Variants in NIPSNAP2 observed in about 807,000 individuals in gnomAD.
NIPSNAP2 encodes the protein nipsnap homolog 2, also known as protein NipSnap homolog 2.
NIPSNAP2 carries 42 observed loss-of-function variants against 48.4 expected under a neutral mutation model. The observed-to-expected ratio is 0.87, with a 90% CI of 0.68 to 1.12. The LOEUF (loss-of-function observed/expected upper bound fraction) is 1.12. Among genes scored for constraint, NIPSNAP2 ranks in the 50% most tolerant of loss-of-function variants. The pLI is 0.00. For synonymous variants in NIPSNAP2, 158 were observed against 126.6 expected, an observed-to-expected ratio of 1.25 and a Z score of -1.67; for missense variants, 314 against 347.3, an observed-to-expected ratio of 0.90 and a Z score of 0.76.
chr7:55,985,034 A>G (rs1391169796), intron 7 of NIPSNAP2, among the ~76,000 whole-genome samples, 156 bp downstream of exon 7: 1 of 152,198 alleles, frequency 6.6e-6, no homozygotes, highest in Non-Finnish European at 1.5e-5. Flanking sequence ...TTTTTCAAAC[A>G]TACAAAACTA....
At chr7:55,969,033 C>A in intron 1 of NIPSNAP2, among the ~76,000 whole-genome samples, 1 of 149,322 alleles carries the variant, frequency 6.7e-6, no homozygotes, top group Admixed American at 6.8e-5. Flanking sequence ...CATGAGAGAA[C>A]AAGGCCCTGT....
chr7:55,994,903 A>C lies in NIPSNAP2; in HGVS notation c.627A>C (p.Ala209=), dbSNP rs772795915. The change falls in exon 8 of 10, where the codon GCA becomes GCC. Residue 209 remains alanine (A), a synonymous_variant. Transcript: ENST00000322090. ...MIEWGNYWAR[A]IRFRQDGNEA... ...CATCTCATTCTTACAGGGCTCGTGC[A>C]ATCCGCTTCAGACAGGATGGTAACG... is the stretch of plus-strand genomic sequence containing the variant. 1.2e-6 allele frequency: 2 copies of C among 1,614,006 alleles called. No individual in the cohort carries two copies. Among genetic ancestry groups the C allele is most frequent in the Admixed American group, 3.3e-5 (2 of 59,992 alleles).
In NIPSNAP2 at chr7:55,966,881, C is replaced by T. The variant is rs115582330; in HGVS notation, c.92+2180C>T. ...GCAAAGCAAGTCCTGGGATGTGCAGCGTATATAGGCTGAATGTAGGAGGGG... is the reference window on the plus strand; with the variant it reads ...GCAAAGCAAGTCCTGGGATGTGCAGTGTATATAGGCTGAATGTAGGAGGGG... On this transcript the variant is annotated intron_variant, in intron 1 of 9. Coordinates refer to ENST00000322090, the MANE Select transcript of NIPSNAP2 (RefSeq NM_001483.3). 9.0e-3 allele frequency among the ~76,000 whole-genome samples: 1,376 copies of T among 152,204 alleles called. 21 individuals carry two copies. The highest frequency in any genetic ancestry group is 0.032 in the African/African-American group (1,314 of 41,524).
rs767426105 is a variant in NIPSNAP2, at chr7:55,978,233, A to T, written c.200A>T (p.Lys67Ile). Residue 67 changes from lysine (K) to isoleucine (I), a missense_variant, in exon 2 of 10, where the codon AAA becomes ATA. By Grantham distance (102) the Lys-to-Ile change is moderately radical (BLOSUM62 -3). Transcript: ENST00000322090. ...RKDAHSNLLA[K>I]KETSNLYKLQ... Reference sequence around the variant, plus strand: ...GATGCCCACTCCAATCTCCTAGCCAAAAAGGAAACAAGCAATCTATACAAA... The same window carrying T: ...GATGCCCACTCCAATCTCCTAGCCATAAAGGAAACAAGCAATCTATACAAA... The T allele has an allele frequency of 6.2e-7, 1 of 1,614,182 alleles. No homozygotes were observed. Among genetic ancestry groups the T allele is most frequent in the East Asian group, 2.2e-5 (1 of 44,882 alleles).
intron 9 of NIPSNAP2, 52 bp downstream of exon 9, chr7:55,997,501 T>C: frequency 7.2e-7 from 1 of 1,391,396 alleles, no homozygotes; most frequent in Non-Finnish European, 1.0e-6. Context: ...GTTTCAATCA[T>C]GTTCTTTCAC....
chr7:55,979,421 A>G (rs917001316), intron 3 of NIPSNAP2: 2 of 189,370 alleles, frequency 1.1e-5, no homozygotes, highest in African/African-American at 4.7e-5. Flanking sequence ...CACACCCAGC[A>G]TGTAGAATCA....
chr7:55,967,501 C>T (rs543826228), intron 1 of NIPSNAP2, among the ~76,000 whole-genome samples: 3 of 152,164 alleles, frequency 2.0e-5, no homozygotes, highest in African/African-American at 4.8e-5. Flanking sequence ...TAGTCTTGCC[C>T]TGTTGCCCAG....
chr7:55,982,929 C>G (rs191042489), intron 5 of NIPSNAP2, among the ~76,000 whole-genome samples: 1 of 151,942 alleles, frequency 6.6e-6, no homozygotes, highest in Non-Finnish European at 1.5e-5. Flanking sequence ...TTGAGACCAG[C>G]GTGGCCAACA....
chr7:55,981,416 C>A (rs1450792691), intron 3 of NIPSNAP2, 57 bp from the exon 4 acceptor site: 4 of 1,235,122 alleles, frequency 3.2e-6, no homozygotes, highest in Non-Finnish European at 4.8e-6. Context: ...CAGGTGCTGT[C>A]CACCTGGTCA....
intron 1 of NIPSNAP2, among the ~76,000 whole-genome samples, chr7:55,976,923 A>G (rs1446375299): frequency 1.3e-5 from 2 of 152,038 alleles, no homozygotes; most frequent in African/African-American, 4.8e-5. Context: ...TCCATGAGTA[A>G]AGTATAGTTT....
In NIPSNAP2 at chr7:55,992,246, A is replaced by G. The variant is rs374960703; in HGVS notation, c.618-2648A>G. On this transcript the variant is annotated intron_variant, in intron 7 of 9. Coordinates refer to ENST00000322090, the MANE Select transcript of NIPSNAP2 (RefSeq NM_001483.3). ...AGAGGTGTAGAGTGATTTTAAGGAGACTGGATTGCTTGAGCCCAGGAGTTC... is the reference window on the plus strand; with the variant it reads ...AGAGGTGTAGAGTGATTTTAAGGAGGCTGGATTGCTTGAGCCCAGGAGTTC... 1.8e-4 allele frequency among the ~76,000 whole-genome samples: 27 copies of G among 152,030 alleles called. No individual in the cohort carries two copies. In the East Asian group the frequency reaches 4.3e-3, roughly 24 times the overall value.
chr7:55,982,108 C>T (rs1787228101), intron 4 of NIPSNAP2, 102 bp from the exon 5 acceptor site: 3 of 674,094 alleles, frequency 4.5e-6, no homozygotes, highest in Non-Finnish European at 7.8e-6. Context: ...CACACCCAGC[C>T]TACAGTTTTG....
intron 1 of NIPSNAP2, among the ~76,000 whole-genome samples, chr7:55,975,899 A>G (rs1177870170): frequency 6.6e-6 from 1 of 152,096 alleles, no homozygotes; most frequent in Admixed American, 6.5e-5. Flanking sequence ...TTAGCCGTGC[A>G]CGGTGGCACA....
intron 3 of NIPSNAP2, chr7:55,980,274 T>C (rs759203425): frequency 3.0e-5 from 5 of 166,444 alleles, no homozygotes; most frequent in Non-Finnish European, 5.3e-5. Flanking sequence ...GTCACTATAC[T>C]GGGTCATAAA....
At chr7:55,997,497 A>G (rs779947090) in intron 9 of NIPSNAP2, 48 bp downstream of exon 9, 8 of 1,418,880 alleles carry the variant, frequency 5.6e-6, no homozygotes, top group South Asian at 4.6e-5. Context: ...TACTGTTTCA[A>G]TCATGTTCTT....
At position 55,970,031 on chromosome 7, in the gene NIPSNAP2, C is replaced by T. The variant is rs539405455; in HGVS notation, c.92+5330C>T. 2.0e-5 allele frequency among the ~76,000 whole-genome samples: 3 copies of T among 151,986 alleles called. No individual in the cohort carries two copies. The South Asian group carries it at 6.2e-4, about 32-fold the overall frequency. On this transcript the variant is annotated intron_variant, in intron 1 of 9. Transcript: ENST00000322090. ...CATATGAATGAAGCACGGTGTGCTCCTGCTGCCTCATCCTGTGGTCTCAGC... is the reference window on the plus strand; with the variant it reads ...CATATGAATGAAGCACGGTGTGCTCTTGCTGCCTCATCCTGTGGTCTCAGC...
chr7:55,991,763 A>ATAT (rs1312676530), intron 7 of NIPSNAP2: 14,398 of 155,092 alleles, frequency 0.093, 784 homozygotes, highest in Admixed American at 0.14. Flanking sequence ...AAAAAAAAAA[A>ATAT]AAATATATAT....
intron 7 of NIPSNAP2, 45 bp from the exon 8 acceptor site, chr7:55,994,849 G>C (rs751310476): frequency 1.3e-6 from 2 of 1,496,358 alleles, no homozygotes; most frequent in East Asian, 4.5e-5. Context: ...TCTCGTTAGC[G>C]TATCTAATTC....
intron 1 of NIPSNAP2, among the ~76,000 whole-genome samples, chr7:55,967,124 C>T (rs548491419): frequency 1.1e-4 from 17 of 152,250 alleles, no homozygotes; most frequent in Admixed American, 2.0e-4. Context: ...AATTCCCAGC[C>T]GCTTCCTGGA....
Sources: allele counts gnomAD v4.1 joint callset (sites outside exome capture counted in the v4.1 genomes callset), GRCh38; gene constraint gnomAD v4.1.1; transcripts MANE v1.5; gene names NCBI Gene and HGNC (gene_info 2026-07-23, HGNC 2026-07-21).